Variants in WRN observed in about 807,000 individuals in gnomAD.
WRN encodes the protein WRN RecQ like helicase.
WRN carries 149 observed loss-of-function variants against 180.7 expected under a neutral mutation model. The observed-to-expected ratio is 0.82, with a 90% confidence interval of 0.72 to 0.94. WRN has a LOEUF of 0.94. Among genes scored for constraint, WRN ranks in the 40% least tolerant of loss-of-function variants. The probability of loss-of-function intolerance (pLI) is 0.00; values close to 1 mark genes in which losing one functional copy is unlikely to be tolerated. For missense variants in WRN, 1,661 were observed against 1,700.1 expected, an observed-to-expected ratio of 0.98 and a Z score of 0.40; for synonymous variants, 548 against 568.9, an observed-to-expected ratio of 0.96 and a Z score of 0.52.
intron 1 of WRN, among the ~76,000 whole-genome samples, chr8:31,051,601 A>C (rs1812079725): frequency 1.3e-5 from 2 of 152,206 alleles, no homozygotes; most frequent in African/African-American, 4.8e-5. Flanking sequence ...TTGACAGATA[A>C]TCTCTTAGCA....
rs781777438 is a variant in WRN at position 31,087,860 on chromosome 8, AAAG to A, written c.1530_1532del (p.Glu510del). 1.5e-4 allele frequency: 240 copies of A among 1,605,216 alleles called. No homozygotes were observed. Among genetic ancestry groups the A allele is most frequent in the Middle Eastern group, 8.3e-4 (5 of 6,026 alleles). ...GGAAAGAAATCTGGGTCTTCCTACT[AAAG>A]AAGAAGAAGAAGATGATGAAAATGA... is the stretch of plus-strand genomic sequence containing the variant. On this transcript the variant is annotated inframe_deletion, in exon 12 of 35. Coordinates refer to ENST00000298139, the MANE Select transcript of WRN (RefSeq NM_000553.6).
intron 17 of WRN, among the ~76,000 whole-genome samples, chr8:31,098,143 C>G (rs1415216764): frequency 6.6e-6 from 1 of 152,106 alleles, no homozygotes. Context: ...CATTTATGAG[C>G]TCTTAAACTC....
At chr8:31,073,554 TATG>T (rs1812989182) in intron 7 of WRN, among the ~76,000 whole-genome samples, 1 of 150,306 alleles carries the variant, frequency 6.7e-6, no homozygotes, top group African/African-American at 2.5e-5. Context: ...ATTTGGGAAA[TATG>T]ATCCCAAAGT....
At chr8:31,036,035 C>T (rs950582608) in intron 1 of WRN, among the ~76,000 whole-genome samples, 4 of 152,172 alleles carry the variant, frequency 2.6e-5, no homozygotes, top group African/African-American at 4.8e-5. Context: ...TCCATCCCAG[C>T]CTCTGGTAAT....
chr8:31,139,675 C>T (rs142585332), intron 24 of WRN, among the ~76,000 whole-genome samples: 6 of 152,290 alleles, frequency 3.9e-5, no homozygotes, highest in African/African-American at 9.6e-5. Flanking sequence ...TTGATACTTA[C>T]GAAGCTCATC....
intron 19 of WRN, among the ~76,000 whole-genome samples, chr8:31,113,282 TG>T (rs1273136290): frequency 6.6e-6 from 1 of 151,794 alleles, no homozygotes; most frequent in Non-Finnish European, 1.5e-5. Flanking sequence ...ACATCATTGG[TG>T]TTTTCCTCTA....
intron 24 of WRN, 32 bp downstream of exon 24, chr8:31,132,538 ATCT>A (rs1338360655): frequency 1.2e-6 from 2 of 1,613,556 alleles, no homozygotes; most frequent in South Asian, 2.2e-5. Flanking sequence ...CCCTTCATAG[ATCT>A]TCTTTTACTT....
chr8:31,108,071 C>T (rs1351349915), intron 18 of WRN, among the ~76,000 whole-genome samples: 1 of 152,198 alleles, frequency 6.6e-6, no homozygotes, highest in Admixed American at 6.5e-5. Context: ...AGTCTGTGGG[C>T]ACCACACCAT....
rs760298876 is a variant in WRN at position 31,124,936 on chromosome 8, C to CA, written c.2763dup (p.Val922SerfsTer12). 2 of 1,612,962 alleles carry CA rather than the reference C, an allele frequency of 1.2e-6. No individual in the cohort carries two copies. Among genetic ancestry groups the CA allele is most frequent in the South Asian group, 2.2e-5 (2 of 90,928 alleles). ...CATCTTGTCTCATTTTGAGGACAAA[C>CA]AAGTACAAAAAGCCTCCTTGGGAAT... On this transcript the variant is annotated frameshift_variant, in exon 23 of 35. Coordinates refer to ENST00000298139, the MANE Select transcript of WRN (RefSeq NM_000553.6). LOFTEE classifies it high-confidence loss of function.
chr8:31,082,469 A>G (rs943617406), intron 9 of WRN, among the ~76,000 whole-genome samples: 6 of 152,178 alleles, frequency 3.9e-5, no homozygotes, highest in Admixed American at 1.3e-4. Flanking sequence ...TTCATAAAAG[A>G]TGTTCCCCTT....
At chr8:31,073,666 G>C (rs927340004) in intron 7 of WRN, among the ~76,000 whole-genome samples, 4 of 152,170 alleles carry the variant, frequency 2.6e-5, no homozygotes, top group Non-Finnish European at 5.9e-5. Flanking sequence ...AAGAGTAGGT[G>C]TGATATTGAC....
chr8:31,050,426 C>T (rs1338919764), intron 1 of WRN, among the ~76,000 whole-genome samples: 1 of 151,782 alleles, frequency 6.6e-6, no homozygotes, highest in African/African-American at 2.4e-5. Context: ...TAATGAAATA[C>T]TGATAATCGC....
rs774619062 is a variant in WRN, at chr8:31,157,362, C to T, written c.3820-6C>T. On this transcript the variant is annotated splice_region_variant and splice_polypyrimidine_tract_variant and intron_variant, in intron 32 of 34. Coordinates refer to ENST00000298139, the MANE Select transcript of WRN (RefSeq NM_000553.6). ...CTCACTGGGTTCTTTGCTGATCTTT[C>T]TCTAGAAGAGCATAGCTGAGAGCAG... The T allele has an allele frequency of 6.2e-7, 1 of 1,613,748 alleles. No homozygotes were observed. The highest frequency in any genetic ancestry group is 2.2e-5 in the East Asian group (1 of 44,886).
intron 8 of WRN, among the ~76,000 whole-genome samples, chr8:31,077,742 G>A (rs1054290068): frequency 6.6e-6 from 1 of 152,194 alleles, no homozygotes; most frequent in Non-Finnish European, 1.5e-5. Flanking sequence ...ATCTGTTGAA[G>A]TCAATTAAAA....
intron 3 of WRN, among the ~76,000 whole-genome samples, chr8:31,063,910 T>C (rs982663813): frequency 4.6e-5 from 7 of 151,822 alleles, no homozygotes; most frequent in African/African-American, 1.7e-4. Context: ...TTTTTTTTTG[T>C]AGAGACATGC....
chr8:31,086,016 T>G, intron 11 of WRN, among the ~76,000 whole-genome samples: 1 of 152,104 alleles, frequency 6.6e-6, no homozygotes, highest in East Asian at 1.9e-4. Flanking sequence ...ATTATTGAGA[T>G]TGAAAATACT....
chr8:31,044,259 TC>T (rs1811767043), intron 1 of WRN, among the ~76,000 whole-genome samples: 2 of 151,790 alleles, frequency 1.3e-5, no homozygotes, highest in Admixed American at 1.3e-4. Flanking sequence ...GCCAGGATGG[TC>T]TCAATCTCCT....
chr8:31,068,213 C>T (rs369049014), intron 6 of WRN, 45 bp from the exon 7 acceptor site: 91 of 1,402,794 alleles, frequency 6.5e-5, no homozygotes, highest in East Asian at 6.1e-4. Context: ...TGTTTTATTT[C>T]GGTGATCTTT....
At chr8:31,070,170 A>G (rs192078352) in intron 7 of WRN, among the ~76,000 whole-genome samples, 4 of 151,748 alleles carry the variant, frequency 2.6e-5, no homozygotes, top group East Asian at 4.0e-4. Context: ...AAAAACCACA[A>G]TTACTTTTGC....
Sources: gnomAD v4.1 joint callset for allele counts (sites outside exome capture counted in the v4.1 genomes callset) on GRCh38, gnomAD v4.1.1 for gene constraint, MANE v1.5 for transcripts, NCBI Gene and HGNC (gene_info 2026-07-23, HGNC 2026-07-21) for gene names.